TASP1: variants seen among roughly 807,000 people sequenced by gnomAD.
TASP1 encodes taspase 1.
A neutral mutation model predicts 56.6 loss-of-function variants in TASP1; 16 were observed. The observed-to-expected ratio is 0.28, with a 90% CI of 0.19 to 0.43. TASP1 has a LOEUF of 0.43. Ranked by LOEUF, TASP1 falls within the 20% of genes least tolerant of loss-of-function variation. The pLI, the probability that TASP1 is intolerant of heterozygous loss-of-function variation, is 1.00. For missense variants in TASP1, 393 were observed against 511.6 expected (o/e 0.77, Z 2.24); for synonymous variants, 179 against 184.2 (o/e 0.97, Z 0.23).
intron 11 of TASP1, among the ~76,000 whole-genome samples, chr20:13,472,035 A>G (rs945005575): frequency 2.6e-5 from 4 of 151,946 alleles, no homozygotes; most frequent in Non-Finnish European, 5.9e-5. Flanking sequence ...CATTGCCAAG[A>G]CAATCCTAAG....
At chr20:13,260,146 G>C in the TASP1 span, among the ~76,000 whole-genome samples, 1 of 152,228 alleles carries the variant, frequency 6.6e-6, no homozygotes, top group African/African-American at 2.4e-5. Context: ...AATCTGTACA[G>C]GCAGGTGGCA....
the TASP1 span, among the ~76,000 whole-genome samples, chr20:13,137,748 ATC>A: frequency 7.2e-5 from 11 of 152,202 alleles, no homozygotes; most frequent in Non-Finnish European, 1.0e-4. Context: ...AACGAAGGGA[ATC>A]TCTCTACAAA....
downstream of TASP1, among the ~76,000 whole-genome samples, chr20:13,386,151 T>G (rs1476676223): frequency 6.6e-6 from 1 of 152,260 alleles, no homozygotes; most frequent in Admixed American, 6.5e-5. Context: ...ATATATGTAC[T>G]GGGCATCATT....
At chr20:13,221,536 G>C in the TASP1 span, among the ~76,000 whole-genome samples, 1 of 144,452 alleles carries the variant, frequency 6.9e-6, no homozygotes, top group Non-Finnish European at 1.5e-5. Flanking sequence ...CCGGCCTCGC[G>C]GTGGCTCCGC....
the TASP1 span, among the ~76,000 whole-genome samples, chr20:13,350,578 T>A: frequency 1.3e-5 from 2 of 152,178 alleles, no homozygotes; most frequent in Non-Finnish European, 2.9e-5. Flanking sequence ...CAGACTGAGA[T>A]AAATATTTGC....
chr20:13,361,112 G>GC, the TASP1 span, among the ~76,000 whole-genome samples: 3 of 151,752 alleles, frequency 2.0e-5, no homozygotes, highest in African/African-American at 7.3e-5. Context: ...GATTATTCAG[G>GC]CCCCCTCCCT....
At chr20:13,112,780 T>A in the TASP1 span, among the ~76,000 whole-genome samples, 1 of 152,320 alleles carries the variant, frequency 6.6e-6, no homozygotes, top group African/African-American at 2.4e-5. Context: ...CTTGGGGGCT[T>A]CAATTTCCTC....
chr20:13,594,743 C>T (rs1000483746), intron 4 of TASP1, among the ~76,000 whole-genome samples: 11 of 152,164 alleles, frequency 7.2e-5, no homozygotes, highest in African/African-American at 1.9e-4. Flanking sequence ...ACCAAATCTA[C>T]GTCTGATTGG....
At chr20:13,515,631 C>A (rs2044498244) in intron 10 of TASP1, among the ~76,000 whole-genome samples, 1 of 149,804 alleles carries the variant, frequency 6.7e-6, no homozygotes, top group Non-Finnish European at 1.5e-5. Context: ...GGAGCCCAAA[C>A]TAAAGTTTGT....
chr20:13,465,205 G>T (rs564632100), intron 11 of TASP1, among the ~76,000 whole-genome samples: 1 of 139,588 alleles, frequency 7.2e-6, no homozygotes, highest in Non-Finnish European at 1.6e-5. Flanking sequence ...AAAAAGGAAA[G>T]GAAAAAAAAA....
intron 13 of TASP1, among the ~76,000 whole-genome samples, chr20:13,391,623 C>G (rs1827527805): frequency 6.6e-6 from 1 of 151,946 alleles, no homozygotes; most frequent in African/African-American, 2.4e-5. Flanking sequence ...ACAGTGGGAG[C>G]CGTTTAAGAA....
intron 11 of TASP1, among the ~76,000 whole-genome samples, chr20:13,450,962 C>T (rs1445202121): frequency 6.6e-6 from 1 of 152,018 alleles, no homozygotes; most frequent in Non-Finnish European, 1.5e-5. Flanking sequence ...AAAATGTATT[C>T]CTTAAATAAT....
At chr20:13,437,869 C>G (rs2043065053) in intron 11 of TASP1, among the ~76,000 whole-genome samples, 1 of 152,148 alleles carries the variant, frequency 6.6e-6, no homozygotes, top group South Asian at 2.1e-4. Flanking sequence ...AGGATACAAA[C>G]AAATGGAAGA....
chr20:13,414,126 T>C (rs2042177276), intron 13 of TASP1, among the ~76,000 whole-genome samples: 1 of 152,228 alleles, frequency 6.6e-6, no homozygotes, highest in African/African-American at 2.4e-5. Flanking sequence ...CACATCTCTT[T>C]AGAATTATTT....
chr20:13,495,081 A>G lies in TASP1; in HGVS notation c.875-11744T>C, dbSNP rs185850723. Among the ~76,000 whole-genome samples, 858 of 152,244 alleles carry G rather than the reference A, an allele frequency of 5.6e-3. 9 individuals carry two copies. Among genetic ancestry groups the G allele is most frequent in the African/African-American group, 0.02 (827 of 41,552 alleles). ...TCCACAAACAGAAAGAACATAAGCA[A>G]GACAGTTATACTACACCATAAATCT... is the stretch of plus-strand genomic sequence containing the variant. On this transcript the variant is annotated intron_variant, in intron 10 of 13. Transcript: ENST00000337743.
chr20:13,588,328 GGA>G (rs2047397762), intron 4 of TASP1, among the ~76,000 whole-genome samples: 2 of 150,496 alleles, frequency 1.3e-5, no homozygotes, highest in African/African-American at 4.9e-5. Flanking sequence ...AAGGAAGGAA[GGA>G]AGGAAGGAAG....
At chr20:13,300,576 G>A in the TASP1 span, 1 of 152,176 alleles carries the variant, frequency 6.6e-6, no homozygotes, top group African/African-American at 2.4e-5. Context: ...GAAAAATAAA[G>A]TTGGTTCTTA....
the TASP1 span, among the ~76,000 whole-genome samples, chr20:13,246,324 C>A: frequency 1.3e-5 from 2 of 151,742 alleles, no homozygotes; most frequent in Admixed American, 6.6e-5. Flanking sequence ...AATGGGCCCA[C>A]TTCTGAACCC....
At chr20:13,310,035 G>A in the TASP1 span, among the ~76,000 whole-genome samples, 21 of 152,086 alleles carry the variant, frequency 1.4e-4, no homozygotes, top group African/African-American at 4.8e-4. Flanking sequence ...CTACAAATTC[G>A]ATGCAATCCC....
Sources: gnomAD v4.1 joint callset for allele counts (sites outside exome capture counted in the v4.1 genomes callset) on GRCh38, gnomAD v4.1.1 for gene constraint, MANE v1.5 for transcripts, NCBI Gene and HGNC (gene_info 2026-07-23, HGNC 2026-07-21) for gene names.